The following FAM184A variants were observed in gnomAD, a reference collection of about 807,000 sequenced individuals.
FAM184A encodes protein FAM184A.
A neutral mutation model predicts 143.8 loss-of-function variants in FAM184A; 99 were observed. The observed-to-expected ratio is 0.69, with a 90% confidence interval of 0.58 to 0.81. FAM184A has a LOEUF of 0.81. FAM184A is among the 40% of genes least tolerant of loss of function. The pLI is 0.00. For synonymous variants in FAM184A, 427 were observed against 446.4 expected, an observed-to-expected ratio of 0.96 and a Z score of 0.55; for missense variants, 1,217 against 1,310.5, an observed-to-expected ratio of 0.93 and a Z score of 1.10.
intron 1 of FAM184A, among the ~76,000 whole-genome samples, chr6:119,033,447 T>C (rs985931991): frequency 4.6e-5 from 7 of 151,018 alleles, no homozygotes; most frequent in Non-Finnish European, 1.0e-4. Context: ...GGTCAAATCA[T>C]GAGGTCAGGA....
intron 4 of FAM184A, among the ~76,000 whole-genome samples, chr6:119,017,516 A>G (rs1380905118): frequency 6.6e-6 from 1 of 152,064 alleles, no homozygotes. Flanking sequence ...AAAAAAGAGT[A>G]AAGGGCTTCC....
chr6:118,971,967 C>G (rs1053384083), intron 14 of FAM184A, among the ~76,000 whole-genome samples: 2 of 152,168 alleles, frequency 1.3e-5, no homozygotes, highest in Non-Finnish European at 2.9e-5. Context: ...TTCCAGGAAT[C>G]CACAGGACTC....
intron 1 of FAM184A, among the ~76,000 whole-genome samples, chr6:119,121,904 G>A (rs1789224465): frequency 6.6e-6 from 1 of 152,090 alleles, no homozygotes. Context: ...TAGACTCTTG[G>A]TAACTTTTTA....
intron 6 of FAM184A, among the ~76,000 whole-genome samples, chr6:119,010,839 T>C (rs990887622): frequency 2.6e-5 from 4 of 152,182 alleles, no homozygotes; most frequent in East Asian, 1.9e-4. Flanking sequence ...CCTGGAACTT[T>C]GCCGATATGA....
At chr6:119,067,702 G>A (rs1486051192) in intron 1 of FAM184A, among the ~76,000 whole-genome samples, 2 of 152,178 alleles carry the variant, frequency 1.3e-5, no homozygotes, top group African/African-American at 2.4e-5. Flanking sequence ...ATTCTCCCTA[G>A]ACCATGCAAT....
chr6:118,980,446 A>G lies in FAM184A; in HGVS notation c.2089-96T>C, dbSNP rs1783986576. The G allele has an allele frequency of 4.6e-6, 4 of 867,316 alleles. No homozygotes were observed. The South Asian group carries it at 6.5e-5, about 14-fold the overall frequency. The allele number at this position is 867,316 out of a possible 1,614,324, so 53.7% of individuals were successfully genotyped here. The stretch of plus-strand genomic sequence containing the variant: ...GAAAAGCATTTCAAAGATATTAATG[A>G]TAGTAAAATAACTGCCTTAATGTTT... On this transcript the variant is annotated intron_variant, in intron 9 of 17. Coordinates refer to ENST00000338891, the MANE Select transcript of FAM184A (RefSeq NM_024581.6).
chr6:119,027,861 A>G (rs1018817293), intron 1 of FAM184A, among the ~76,000 whole-genome samples: 2 of 152,198 alleles, frequency 1.3e-5, no homozygotes, highest in Non-Finnish European at 2.9e-5. Flanking sequence ...AGGAACTTAG[A>G]GAAAGTCATT....
At position 119,148,834 on chromosome 6, in the gene FAM184A, G is replaced by A. The variant is rs545969725; in HGVS notation, c.-202+244C>T. On this transcript the variant is annotated intron_variant, in intron 1 of 16. Coordinates refer to the FAM184A transcript ENST00000352896. ...AATGAATGTCAGAAAAGTGAAAACTGGTAATGGTCAATAGCCCCCAGAAAA... is the reference window on the plus strand; with the variant it reads ...AATGAATGTCAGAAAAGTGAAAACTAGTAATGGTCAATAGCCCCCAGAAAA... Among the ~76,000 whole-genome samples the A allele has an allele frequency of 2.6e-4, 40 of 151,978 alleles. 2 individuals are homozygous for A. In the South Asian group the frequency reaches 8.1e-3, roughly 31 times the overall value.
intron 1 of FAM184A, among the ~76,000 whole-genome samples, chr6:119,053,083 C>A (rs1012811007): frequency 2.0e-5 from 3 of 152,072 alleles, no homozygotes; most frequent in Non-Finnish European, 4.4e-5. Flanking sequence ...GGAAAAGAGC[C>A]CTGTGCTTCC....
chr6:119,138,259 G>C (rs1173695825), intron 1 of FAM184A, among the ~76,000 whole-genome samples: 1 of 152,164 alleles, frequency 6.6e-6, no homozygotes, highest in East Asian at 1.9e-4. Flanking sequence ...TTCTTTAATA[G>C]AAAGTACTGT....
At chr6:119,104,543 T>C (rs1016571353) in intron 1 of FAM184A, among the ~76,000 whole-genome samples, 1 of 152,110 alleles carries the variant, frequency 6.6e-6, no homozygotes, top group African/African-American at 2.4e-5. Context: ...ATCACGCAAA[T>C]AGTATCACAC....
chr6:119,003,646 GA>G (rs1373465680), intron 7 of FAM184A, 24 bp from the exon 8 acceptor site: 1 of 1,583,662 alleles, frequency 6.3e-7, no homozygotes, highest in African/African-American at 1.4e-5. Context: ...ACTTTTCAAT[GA>G]AGACTAAACT....
intron 1 of FAM184A, among the ~76,000 whole-genome samples, chr6:119,026,537 G>T (rs1185827279): frequency 6.6e-6 from 1 of 152,106 alleles, no homozygotes; most frequent in Non-Finnish European, 1.5e-5. Flanking sequence ...GGACCCCAAA[G>T]AAACCTGAAA....
intron 2 of FAM184A, 144 bp from the exon 3 acceptor site, chr6:119,023,224 T>C (rs1021527103): frequency 9.9e-6 from 8 of 806,010 alleles, no homozygotes; most frequent in Non-Finnish European, 1.5e-5. Context: ...GTATTAGTGA[T>C]TTATAACTTG....
At position 119,002,898 on chromosome 6, in the gene FAM184A, C is replaced by T. The variant is rs1238484588; in HGVS notation, c.2088+1G>A. On this transcript the variant is annotated splice_donor_variant, in intron 9 of 17. Coordinates refer to ENST00000338891, the MANE Select transcript of FAM184A (RefSeq NM_024581.6). LOFTEE classifies it high-confidence loss of function. ...TTCATCATGTACACATTATTAATTA[C>T]CTGGTTTAAGAGATCTTCTACTTTC... is the stretch of plus-strand genomic sequence containing the variant. 1 of 1,604,544 alleles carries T rather than the reference C, an allele frequency of 6.2e-7. No individual in the cohort carries two copies. Among genetic ancestry groups the T allele is most frequent in the South Asian group, 1.1e-5 (1 of 89,174 alleles).
At position 119,015,669 on chromosome 6, in the gene FAM184A, G is replaced by A. The variant is rs542767477; in HGVS notation, c.1530+1078C>T. Among the ~76,000 whole-genome samples the A allele has an allele frequency of 1.1e-4, 17 of 152,312 alleles. No individual in the cohort carries two copies. In the South Asian group the frequency reaches 2.3e-3, roughly 20 times the overall value. On this transcript the variant is annotated intron_variant, in intron 5 of 17. Coordinates refer to ENST00000338891, the MANE Select transcript of FAM184A (RefSeq NM_024581.6). Reference sequence around the variant, plus strand: ...CGACGAATGCTGCCCCCTGCTCCACGGCGCCCAGTCCCATCGACCGCCCAA... The same window carrying A: ...CGACGAATGCTGCCCCCTGCTCCACAGCGCCCAGTCCCATCGACCGCCCAA...
chr6:119,032,864 C>A (rs370623460), intron 1 of FAM184A, among the ~76,000 whole-genome samples: 9 of 152,240 alleles, frequency 5.9e-5, no homozygotes, highest in Admixed American at 6.5e-5. Flanking sequence ...TCTAGTTGAG[C>A]TAATCACCAA....
rs1297884087 is a variant in FAM184A, at chr6:119,020,136, T to C, written c.1174A>G (p.Thr392Ala). The C allele has an allele frequency of 6.3e-7, 1 of 1,596,936 alleles. No individual in the cohort carries two copies. The highest frequency in any genetic ancestry group is 8.5e-7 in the Non-Finnish European group (1 of 1,174,712). ...ATTGTAACTTCCTGGGTCATTTGAG[T>C]TGCTTGAAGCATTCCAATATGACCT... ...KASHIGMLQATQMTQEVTIKD... is the reference protein window; with the variant it reads ...KASHIGMLQAAQMTQEVTIKD... Residue 392 changes from threonine (T) to alanine (A), a missense_variant, in exon 4 of 18, where the codon ACT becomes GCT. Transcript: ENST00000338891.
chr6:119,051,341 G>A (rs1786756652), intron 1 of FAM184A, among the ~76,000 whole-genome samples: 1 of 152,096 alleles, frequency 6.6e-6, no homozygotes. Context: ...CAAAACAATT[G>A]AACTCATGGA....
Sources: allele counts gnomAD v4.1 joint callset (sites outside exome capture counted in the v4.1 genomes callset), GRCh38; gene constraint gnomAD v4.1.1; transcripts MANE v1.5; gene names NCBI Gene and HGNC (gene_info 2026-07-23, HGNC 2026-07-21).